ESYT1: variants seen among roughly 807,000 people sequenced by gnomAD.
ESYT1 encodes extended synaptotagmin 1.
ESYT1 carries 116 observed loss-of-function variants against 154.2 expected under a neutral mutation model. The ratio of observed to expected loss-of-function variants is 0.75; its 90% CI spans 0.65 to 0.88. The LOEUF (loss-of-function observed/expected upper bound fraction) is 0.88. Ranked by LOEUF, ESYT1 falls within the 40% of genes least tolerant of loss-of-function variation. The pLI is 0.00. For missense variants in ESYT1, 1,264 were observed against 1,379.3 expected, an observed-to-expected ratio of 0.92 and a Z score of 1.32; for synonymous variants, 500 against 539.9, an observed-to-expected ratio of 0.93 and a Z score of 1.02.
chr12:56,142,434 C>T lies in ESYT1; in HGVS notation c.2733+9C>T. The T allele has an allele frequency of 6.2e-7, 1 of 1,610,538 alleles. No individual in the cohort carries two copies. The highest frequency in any genetic ancestry group is 8.5e-7 in the Non-Finnish European group (1 of 1,177,494). On this transcript the variant is annotated intron_variant, in intron 25 of 30. Coordinates refer to ENST00000394048, the MANE Select transcript of ESYT1 (RefSeq NM_015292.3). This position sits in a 1 kb window ranked among gnomAD's most constrained non-coding sequence, Gnocchi z 4.1. ...TGAGAGCACAGCTAGGGGTGAGTGA[C>T]AGGAGATGGTGGGCAGGATGAGAGG...
At chr12:56,139,275 A>C (rs925411098) in intron 24 of ESYT1, among the ~76,000 whole-genome samples, 19 of 151,728 alleles carry the variant, frequency 1.3e-4, no homozygotes, top group Non-Finnish European at 2.4e-4. Flanking sequence ...CACCTGGCTA[A>C]TTTTTGCATT....
Position 56,133,399 on chromosome 12 carries a change from T to A in ESYT1, c.1245-18T>A, listed in dbSNP as rs761413182. On this transcript the variant is annotated intron_variant, in intron 10 of 30. Transcript: ENST00000394048. ...CCCTTTTCTTCCTTTCACTACCCTC[T>A]CCCCCGCCAACCCTCAGAATGAAGC... 82 of 1,613,812 alleles carry A rather than the reference T, an allele frequency of 5.1e-5. No homozygotes were observed. Among genetic ancestry groups the A allele is most frequent in the Non-Finnish European group, 1.1e-5 (13 of 1,179,984 alleles).
At position 56,136,727 on chromosome 12, in the gene ESYT1, T is replaced by A; in HGVS notation, c.1633-17T>A. The A allele has an allele frequency of 6.3e-7, 1 of 1,585,070 alleles. No homozygotes were observed. Among genetic ancestry groups the A allele is most frequent in the Non-Finnish European group, 8.6e-7 (1 of 1,164,470 alleles). On this transcript the variant is annotated splice_polypyrimidine_tract_variant and intron_variant, in intron 15 of 30. Transcript: ENST00000394048. Reference sequence around the variant, plus strand: ...CCCCTAATCCCTTCACTACAGTCCTTCCTCCTGTGCCTGTAGGTGAAGGAT... The same window carrying A: ...CCCCTAATCCCTTCACTACAGTCCTACCTCCTGTGCCTGTAGGTGAAGGAT...
intron 1 of ESYT1, 47 bp from the exon 2 acceptor site, chr12:56,130,535 G>A: frequency 1.9e-6 from 3 of 1,611,848 alleles, no homozygotes; most frequent in Non-Finnish European, 2.5e-6. Context: ...GGAAACCAGA[G>A]GCGAGGGTGT....
intron 24 of ESYT1, 40 bp downstream of exon 24, chr12:56,139,053 G>C: frequency 1.3e-6 from 2 of 1,507,444 alleles, no homozygotes; most frequent in Non-Finnish European, 1.8e-6. Context: ...GCAGATTTCT[G>C]CCATGGCCAG....
At chr12:56,130,473 A>AG in intron 1 of ESYT1, 109 bp from the exon 2 acceptor site, 1 of 1,322,520 alleles carries the variant, frequency 7.6e-7, no homozygotes, top group South Asian at 1.2e-5. Context: ...CCTGAGTGTG[A>AG]GGAGTCACAC....
At position 56,130,774 on chromosome 12, in the gene ESYT1, T is replaced by C. The variant is rs747020060; in HGVS notation, c.433-17T>C. The C allele has an allele frequency of 1.2e-6, 2 of 1,613,676 alleles. No individual in the cohort carries two copies. ...GGAAGACTGGACTCTCCTCTGACCATCTCTCTTTCCTCCCAGATTGTGGCC... is the reference window on the plus strand; with the variant it reads ...GGAAGACTGGACTCTCCTCTGACCACCTCTCTTTCCTCCCAGATTGTGGCC... On this transcript the variant is annotated splice_polypyrimidine_tract_variant and intron_variant, in intron 2 of 30. Coordinates refer to ENST00000394048, the MANE Select transcript of ESYT1 (RefSeq NM_015292.3).
Position 56,142,634 on chromosome 12 carries a change from C to G in ESYT1, c.2790C>G (p.Ser930Arg). The stretch of plus-strand genomic sequence containing the variant: ...CTCATAGCCACAGCTACAGCCACAG[C>G]TCCTCATCGCTGAGTGAAGAACCAG... Reference protein sequence around the residue: ...VEAHSHSYSHSSSSLSEEPEL... With the variant: ...VEAHSHSYSHRSSSLSEEPEL... Residue 930 changes from serine (S) to arginine (R), a missense_variant, in exon 26 of 31, where the codon AGC becomes AGG. By Grantham distance (110) the Ser-to-Arg change is moderately radical. Coordinates refer to ENST00000394048, the MANE Select transcript of ESYT1 (RefSeq NM_015292.3). The surrounding 1 kb of genome is among the most constrained non-coding windows in gnomAD (Gnocchi z 4.1). The G allele has an allele frequency of 1.2e-6, 2 of 1,614,132 alleles. No homozygotes were observed. Among genetic ancestry groups the G allele is most frequent in the Non-Finnish European group, 1.7e-6 (2 of 1,180,034 alleles).
Position 56,142,840 on chromosome 12 carries a change from T to A in ESYT1, c.2894T>A (p.Leu965His). ...RQRLTHVDSP[L>H]EAPAGPLGQV... ...CTACTGATATTTCTCCACAGTCCCCTTGAGGCTCCAGCCGGGCCTCTGGGC... is the reference window on the plus strand; with the variant it reads ...CTACTGATATTTCTCCACAGTCCCCATGAGGCTCCAGCCGGGCCTCTGGGC... Residue 965 changes from leucine (L) to histidine (H), a missense_variant, in exon 27 of 31, where the codon CTT becomes CAT. By Grantham distance (99) the Leu-to-His change is moderately conservative. Transcript: ENST00000394048. This position sits in a 1 kb window ranked among gnomAD's most constrained non-coding sequence, Gnocchi z 4.1. 6.2e-7 allele frequency: 1 copy of A among 1,614,202 alleles called. No homozygotes were observed. The highest frequency in any genetic ancestry group is 8.5e-7 in the Non-Finnish European group (1 of 1,180,030).
rs28676339 is a variant in ESYT1 at position 56,136,970 on chromosome 12, C to G, written c.1782+77C>G. The G allele has an allele frequency of 3.8e-3, 5,622 of 1,489,356 alleles. 140 individuals are homozygous for G. In the African/African-American group the frequency reaches 0.056, roughly 15 times the overall value. 92.3% of individuals were successfully genotyped at this position (1,489,356 alleles called of 1,614,324 possible). A position where few individuals can be genotyped will look rare whatever the true frequency, so the allele number is the denominator to read the frequency against. ...TTGGTATTAAGAGTAAGGAAAGGGA[C>G]CCCCCTAAGATTAAAAGAGCTAATA... On this transcript the variant is annotated intron_variant, in intron 16 of 30. Coordinates refer to ENST00000394048, the MANE Select transcript of ESYT1 (RefSeq NM_015292.3).
rs140431274 is a variant in ESYT1 at position 56,131,514 on chromosome 12, T to C, written c.752T>C (p.Ile251Thr). The change falls in exon 6 of 31, where the codon ATT becomes ACT. Residue 251 changes from isoleucine (I) to threonine (T), a missense_variant. Transcript: ENST00000394048. ...TTGCGGGTGATACTGGAGCCACTCA[T>C]TGGGGACCTTCCCTTCGTGGGGGCT... ...GVLRVILEPLIGDLPFVGAVS... is the reference protein window; with the variant it reads ...GVLRVILEPLTGDLPFVGAVS... The C allele has an allele frequency of 3.6e-4, 588 of 1,614,144 alleles. No individual in the cohort carries two copies. The highest frequency in any genetic ancestry group is 6.2e-4 in the Admixed American group (37 of 60,020).
Position 56,131,497 on chromosome 12 carries a change from G to A in ESYT1, c.735G>A (p.Val245=). ...CTCAGCTACATGGCGTTTTGCGGGT[G>A]ATACTGGAGCCACTCATTGGGGACC... ...KGMQLHGVLR[V]ILEPLIGDLP... Residue 245 remains valine, a synonymous_variant, in exon 6 of 31, where the codon GTG becomes GTA. Transcript: ENST00000394048. 1 of 1,614,180 alleles carries A rather than the reference G, an allele frequency of 6.2e-7. No homozygotes were observed. Among genetic ancestry groups the A allele is most frequent in the South Asian group, 1.1e-5 (1 of 91,080 alleles).
Position 56,142,377 on chromosome 12 carries a change from T to G in ESYT1, c.2685T>G (p.Phe895Leu). The G allele has an allele frequency of 6.2e-7, 1 of 1,614,116 alleles. No homozygotes were observed. Among genetic ancestry groups the G allele is most frequent in the Non-Finnish European group, 8.5e-7 (1 of 1,180,016 alleles). ...VADQLCLDRW[F>L]TLSSGQGQVL... ...ACCAGCTCTGCTTGGACCGCTGGTT[T>G]ACACTCAGCAGTGGTCAGGGGCAGG... Residue 895 changes from phenylalanine to leucine, a missense_variant, in exon 25 of 31, where the codon TTT (phenylalanine) becomes TTG (leucine). Coordinates refer to ENST00000394048, the MANE Select transcript of ESYT1 (RefSeq NM_015292.3). This position sits in a 1 kb window ranked among gnomAD's most constrained non-coding sequence, Gnocchi z 4.1.
Position 56,144,624 on chromosome 12 carries a change from A to G in ESYT1, c.*762A>G. On this transcript the variant is annotated 3_prime_UTR_variant, in exon 31 of 31. Transcript: ENST00000394048. ...TTAATCTGGTACTTTACAGTTTTGC[A>G]CCAACTCTGCCAAGCCACTGGATCT... 4 of 985,426 alleles carry G rather than the reference A, an allele frequency of 4.1e-6. No individual in the cohort carries two copies. The highest frequency in any genetic ancestry group is 4.8e-6 in the Non-Finnish European group (4 of 829,944). The allele number at this position is 985,426 out of a possible 1,614,324, so 61.0% of individuals were successfully genotyped here.
Position 56,142,685 on chromosome 12 carries a change from C to T in ESYT1, c.2841C>T (p.Ile947=), listed in dbSNP as rs979355725. The change falls in exon 26 of 31, where the codon ATC becomes ATT. Residue 947 remains isoleucine (I), a synonymous_variant. Transcript: ENST00000394048. The surrounding 1 kb of genome is among the most constrained non-coding windows in gnomAD (Gnocchi z 4.1). ...EPELSGGPPH[I]TSSAPELRQR... ...AGCTCTCGGGGGGACCCCCTCACAT[C>T]ACCTCCTCAGCCCCAGAGCTCCGGC... is the stretch of plus-strand genomic sequence containing the variant. 4 of 1,613,980 alleles carry T rather than the reference C, an allele frequency of 2.5e-6. No individual in the cohort carries two copies. Among genetic ancestry groups the T allele is most frequent in the Non-Finnish European group, 3.4e-6 (4 of 1,180,058 alleles).
intron 1 of ESYT1, 105 bp from the exon 2 acceptor site, chr12:56,130,477 G>A: frequency 7.2e-7 from 1 of 1,397,290 alleles, no homozygotes. Flanking sequence ...AGTGTGAGGA[G>A]TCACACACAC....
At position 56,133,817 on chromosome 12, in the gene ESYT1, G is replaced by T. The variant is rs542574991; in HGVS notation, c.1417G>T (p.Asp473Tyr). The change falls in exon 13 of 31, where the codon GAT (aspartate) becomes TAT (tyrosine). Residue 473 changes from aspartate (D) to tyrosine (Y), a missense_variant. Coordinates refer to ENST00000394048, the MANE Select transcript of ESYT1 (RefSeq NM_015292.3). ...GAATTGGGGAGTCTCCTCTCGACCA[G>T]ATCCCCCGTCAGCTGCCATCTTAGT... ...QWNWGVSSRP[D>Y]PPSAAILVVY... The T allele has an allele frequency of 2.5e-6, 4 of 1,614,158 alleles. No homozygotes were observed. In the East Asian group the frequency reaches 6.7e-5, roughly 27 times the overall value.
At chr12:56,141,722 A>T (rs1322866983) in intron 24 of ESYT1, among the ~76,000 whole-genome samples, 2 of 152,086 alleles carry the variant, frequency 1.3e-5, no homozygotes, top group African/African-American at 4.8e-5. Flanking sequence ...CCTGGGCAAC[A>T]GAGCGAGACT....
rs1344530974 is a variant in ESYT1 at position 56,142,650 on chromosome 12, G to A, written c.2806G>A (p.Glu936Lys). The change falls in exon 26 of 31, where the codon GAA (glutamate) becomes AAA (lysine). Residue 936 changes from glutamate to lysine, a missense_variant. Coordinates refer to ENST00000394048, the MANE Select transcript of ESYT1 (RefSeq NM_015292.3). This position sits in a 1 kb window ranked among gnomAD's most constrained non-coding sequence, Gnocchi z 4.1. ...SYSHSSSSLS[E>K]EPELSGGPPH... ...CAGCCACAGCTCCTCATCGCTGAGT[G>A]AAGAACCAGAGCTCTCGGGGGGACC... 1.9e-6 allele frequency: 3 copies of A among 1,614,014 alleles called. No individual in the cohort carries two copies. In the African/African-American group the frequency reaches 4.0e-5, roughly 22 times the overall value.
Sources: allele counts gnomAD v4.1 joint callset (sites outside exome capture counted in the v4.1 genomes callset), GRCh38; gene constraint gnomAD v4.1.1; non-coding constraint Gnocchi (gnomAD v3.1); transcripts MANE v1.5; gene names NCBI Gene and HGNC (gene_info 2026-07-23, HGNC 2026-07-21).